The following DOCK10 variants were observed in gnomAD, a reference collection of about 807,000 sequenced individuals.
DOCK10 encodes dedicator of cytokinesis 10.
Under a neutral mutation model 280.1 loss-of-function variants are expected in DOCK10, and 145 were observed. The observed-to-expected ratio is 0.52, with a 90% CI of 0.45 to 0.59. DOCK10 has a LOEUF of 0.59. Among genes scored for constraint, DOCK10 ranks in the 20% least tolerant of loss-of-function variants. The pLI is 0.00. For synonymous variants in DOCK10, 915 were observed against 942.2 expected (o/e 0.97, Z 0.53); for missense variants, 2,368 against 2,651.7 (o/e 0.89, Z 2.35).
intron 1 of DOCK10, among the ~76,000 whole-genome samples, chr2:225,037,675 T>C (rs988575798): frequency 1.3e-5 from 2 of 152,222 alleles, no homozygotes; most frequent in African/African-American, 4.8e-5. Flanking sequence ...ATAGAATGCT[T>C]GACACTGTGC....
intron 11 of DOCK10, among the ~76,000 whole-genome samples, chr2:224,866,574 T>C (rs116223251): frequency 2.5e-3 from 381 of 152,310 alleles, no homozygotes; most frequent in African/African-American, 8.8e-3. Context: ...TTCATCTCCA[T>C]TGATAACTTC....
rs1460551594 is a variant in DOCK10 at position 224,845,511 on chromosome 2, G to A, written c.2359+8C>T. On this transcript the variant is annotated splice_region_variant and intron_variant, in intron 20 of 55. Transcript: ENST00000258390. ...GTGACTCTGCCTCAGATTTCTTCCT[G>A]GCAGTACCTGACGTTTCCAGAGCCT... The A allele has an allele frequency of 1.9e-6, 3 of 1,608,998 alleles. No homozygotes were observed. Among genetic ancestry groups the A allele is most frequent in the Non-Finnish European group, 8.5e-7 (1 of 1,178,300 alleles).
At chr2:225,028,869 C>T (rs1373208803) in intron 1 of DOCK10, among the ~76,000 whole-genome samples, 2 of 152,190 alleles carry the variant, frequency 1.3e-5, no homozygotes, top group Non-Finnish European at 2.9e-5. Flanking sequence ...GTGTCACAGA[C>T]ATCACATATT....
chr2:224,866,772 TG>T (rs1303345155), intron 11 of DOCK10, among the ~76,000 whole-genome samples: 1 of 152,218 alleles, frequency 6.6e-6, no homozygotes, highest in Non-Finnish European at 1.5e-5. Flanking sequence ...CAATGGGTTT[TG>T]CTCTTACGAT....
chr2:224,991,231 C>T (rs1014353054), intron 1 of DOCK10, among the ~76,000 whole-genome samples: 5 of 152,128 alleles, frequency 3.3e-5, no homozygotes, highest in East Asian at 1.9e-4. Context: ...GGTGAAATAA[C>T]GCAGCCTAGA....
chr2:224,876,338 A>G (rs748099803), intron 7 of DOCK10, 117 bp from the exon 8 acceptor site: 1 of 920,738 alleles, frequency 1.1e-6, no homozygotes, highest in Non-Finnish European at 1.6e-6. Flanking sequence ...AGATAACATA[A>G]AGAAAATTTT....
At chr2:224,912,951 A>C (rs1036067774) in intron 3 of DOCK10, among the ~76,000 whole-genome samples, 1 of 152,152 alleles carries the variant, frequency 6.6e-6, no homozygotes, top group African/African-American at 2.4e-5. Context: ...GCTTGAGCCC[A>C]GGAGGTGGGG....
chr2:224,819,069 T>C (rs1383914616), intron 29 of DOCK10, among the ~76,000 whole-genome samples: 1 of 152,120 alleles, frequency 6.6e-6, no homozygotes, highest in Admixed American at 6.5e-5. Context: ...ATACCCCTAT[T>C]TGGGTAGGGT....
chr2:225,037,714 A>G (rs1690299325), intron 1 of DOCK10, among the ~76,000 whole-genome samples: 1 of 152,202 alleles, frequency 6.6e-6, no homozygotes. Context: ...TTAACAAATT[A>G]TTTACCTTAA....
At chr2:224,857,249 G>A (rs754986680) in intron 14 of DOCK10, among the ~76,000 whole-genome samples, 1 of 152,052 alleles carries the variant, frequency 6.6e-6, no homozygotes. Flanking sequence ...TTAATAACTT[G>A]TATCAAAACC....
intron 1 of DOCK10, among the ~76,000 whole-genome samples, chr2:225,002,329 C>A (rs1188322104): frequency 6.6e-6 from 1 of 152,140 alleles, no homozygotes; most frequent in Non-Finnish European, 1.5e-5. Context: ...AGACTGTCAT[C>A]CTCAATATCA....
At chr2:224,874,969 T>C (rs565758592) in intron 8 of DOCK10, among the ~76,000 whole-genome samples, 256 of 152,334 alleles carry the variant, frequency 1.7e-3, no homozygotes, top group Non-Finnish European at 2.7e-3. Flanking sequence ...CTTGCTATGA[T>C]ACCATCTTGT....
intron 1 of DOCK10, among the ~76,000 whole-genome samples, chr2:224,957,498 A>G (rs558596552): frequency 6.6e-6 from 1 of 151,974 alleles, no homozygotes; most frequent in Non-Finnish European, 1.5e-5. Context: ...TATGTTGCCC[A>G]ATCTAGTCTA....
chr2:224,912,521 G>T (rs961547793), intron 3 of DOCK10, among the ~76,000 whole-genome samples: 2 of 152,072 alleles, frequency 1.3e-5, no homozygotes, highest in African/African-American at 4.8e-5. Context: ...TAGCACAACA[G>T]AAGAGAATTA....
rs185473593 is a variant in DOCK10 at position 224,797,158 on chromosome 2, G to A, written c.4645-12C>T. On this transcript the variant is annotated splice_polypyrimidine_tract_variant and intron_variant, in intron 42 of 55. Coordinates refer to ENST00000258390, the MANE Select transcript of DOCK10 (RefSeq NM_014689.3). Reference sequence around the variant, plus strand: ...AACGCTGAAGGAAACTGCAGAAATGGAAGAACGGGTGAAGGGAGCAACATG... The same window carrying A: ...AACGCTGAAGGAAACTGCAGAAATGAAAGAACGGGTGAAGGGAGCAACATG... The A allele has an allele frequency of 5.8e-5, 93 of 1,591,588 alleles. No homozygotes were observed. The East Asian group carries it at 2.0e-3, about 34-fold the overall frequency.
chr2:225,039,359 C>T (rs1428236637), intron 1 of DOCK10, among the ~76,000 whole-genome samples: 3 of 152,142 alleles, frequency 2.0e-5, no homozygotes, highest in African/African-American at 2.4e-5. Flanking sequence ...AATTGATCTT[C>T]GAATGAGTTG....
intron 1 of DOCK10, among the ~76,000 whole-genome samples, chr2:224,937,531 CTGAAAATTAA>C (rs1702758275): frequency 6.6e-6 from 1 of 152,034 alleles, no homozygotes; most frequent in Non-Finnish European, 1.5e-5. Context: ...AAATAACACT[CTGAAAATTAA>C]TGATTCTACT....
intron 22 of DOCK10, 65 bp from the exon 23 acceptor site, chr2:224,841,961 A>C: frequency 1.7e-6 from 2 of 1,166,890 alleles, no homozygotes; most frequent in Non-Finnish European, 2.6e-6. Flanking sequence ...AACACAAACC[A>C]CTGTGATGTG....
chr2:224,849,417 CTA>C (rs927852840), intron 19 of DOCK10, 88 bp downstream of exon 19: 86 of 888,794 alleles, frequency 9.7e-5, no homozygotes, highest in South Asian at 5.4e-4. Context: ...CTGATGAGGT[CTA>C]GAGAGAGTGT....
Sources: allele counts gnomAD v4.1 joint callset (sites outside exome capture counted in the v4.1 genomes callset), GRCh38; gene constraint gnomAD v4.1.1; transcripts MANE v1.5; gene names NCBI Gene and HGNC (gene_info 2026-07-23, HGNC 2026-07-21).